The following ZNRF2 variants were observed in gnomAD, a reference collection of about 807,000 sequenced individuals.
ZNRF2 encodes zinc and ring finger 2, also known as E3 ubiquitin-protein ligase ZNRF2.
In ZNRF2, 16 loss-of-function variants were observed where a neutral mutation model predicts 20.4. The ratio of observed to expected loss-of-function variants is 0.79; its 90% CI spans 0.53 to 1.19. The LOEUF (loss-of-function observed/expected upper bound fraction) is 1.19. Among genes scored for constraint, ZNRF2 ranks in the 50% most tolerant of loss-of-function variants. The probability of loss-of-function intolerance (pLI) is 0.00; values close to 1 mark genes in which losing one functional copy is unlikely to be tolerated. For missense variants in ZNRF2, 363 were observed against 332.4 expected (o/e 1.09, Z -0.72); for synonymous variants, 178 against 144.9 (o/e 1.23, Z -1.64).
At chr7:30,362,478 T>G in intron 4 of ZNRF2, 22 bp downstream of exon 4, 1 of 1,460,406 alleles carries the variant, frequency 6.8e-7, no homozygotes, top group Admixed American at 1.9e-5. Flanking sequence ...TGTAATTACT[T>G]TTTAAAGCGT....
At chr7:30,295,050 A>AGAGAGAGTGTGTGT (rs1412764480) in intron 1 of ZNRF2, among the ~76,000 whole-genome samples, 7 of 38,280 alleles carry the variant, frequency 1.8e-4, no homozygotes, top group Non-Finnish European at 2.9e-4. Context: ...AGAGAGAGAG[A>AGAGAGAGTGTGTGT]GTGTGTGTGT....
rs531255679 is a variant in ZNRF2, at chr7:30,344,132, G to A, written c.566-11596G>A. 5.9e-5 allele frequency among the ~76,000 whole-genome samples: 9 copies of A among 151,790 alleles called. No individual in the cohort carries two copies. The East Asian group carries it at 1.7e-3, about 29-fold the overall frequency. On this transcript the variant is annotated intron_variant, in intron 2 of 4. Coordinates refer to ENST00000323037, the MANE Select transcript of ZNRF2 (RefSeq NM_147128.4). ...AGACGGGGTTTCAGCATGTTGGCGA[G>A]GCTGGTCTCGAACTCCTGACCTCAG...
In ZNRF2 at chr7:30,356,009, T is replaced by G. The variant is rs189727769; in HGVS notation, c.671+176T>G. 1.4e-3 allele frequency among the ~76,000 whole-genome samples: 220 copies of G among 152,354 alleles called. No individual in the cohort carries two copies. In the South Asian group the frequency reaches 0.023, roughly 16 times the overall value. On this transcript the variant is annotated intron_variant, in intron 3 of 4. Transcript: ENST00000323037. Reference sequence around the variant, plus strand: ...ACTAAGACTTGAACCCACATCTGTTTGTATCCAAAAGGCTACTATTTTTAA... The same window carrying G: ...ACTAAGACTTGAACCCACATCTGTTGGTATCCAAAAGGCTACTATTTTTAA...
At position 30,285,481 on chromosome 7, in the gene ZNRF2, C is replaced by G; in HGVS notation, c.124C>G (p.Arg42Gly). ...GACCGCGGGCGGCGGCGGGGGCGCT[C>G]GGGCCGCCGCCGCGGGGAGGTTCCC... ...NGTAGGGGGA[R>G]AAAAGRFPAQ... is the part of the protein sequence containing the mutation. Residue 42 changes from arginine to glycine, a missense_variant, in exon 1 of 5, where the codon CGG becomes GGG. By Grantham distance (125) the Arg-to-Gly change is moderately radical. Around this residue, in one of 2 missense-constraint regions of ZNRF2, gnomAD observed 302 missense variants for 231.5 expected, o/e 1.30. Transcript: ENST00000323037. The G allele has an allele frequency of 9.2e-7, 1 of 1,091,984 alleles. No individual in the cohort carries two copies. The highest frequency in any genetic ancestry group is 7.3e-5 in the East Asian group (1 of 13,682). The allele number at this position is 1,091,984 out of a possible 1,614,324, so 67.6% of individuals were successfully genotyped here.
chr7:30,346,170 A>ATTTTTTTTTTTTTTTTTTTTTTTT (rs70980598), intron 2 of ZNRF2, among the ~76,000 whole-genome samples: 1 of 23,676 alleles, frequency 4.2e-5, no homozygotes. Context: ...GTTAAGTCTG[A>ATTTTTTTTTTTTTTTTTTTTTTTT]TTTTTTTTTT....
intron 1 of ZNRF2, among the ~76,000 whole-genome samples, chr7:30,296,203 A>G (rs531156043): frequency 1.3e-5 from 2 of 152,366 alleles, no homozygotes; most frequent in African/African-American, 4.8e-5. Flanking sequence ...TTATTTGTAT[A>G]ATGTAAATAT....
chr7:30,285,421 G>A lies in ZNRF2; in HGVS notation c.64G>A (p.Asp22Asn). The A allele has an allele frequency of 8.1e-7, 1 of 1,238,278 alleles. No individual in the cohort carries two copies. Among genetic ancestry groups the A allele is most frequent in the South Asian group, 1.6e-5 (1 of 61,450 alleles). The allele number at this position is 1,238,278 out of a possible 1,614,324, so 76.7% of individuals were successfully genotyped here. A position where few individuals can be genotyped will look rare whatever the true frequency, so the allele number is the denominator to read the frequency against. The change falls in exon 1 of 5, where the codon GAT becomes AAT. Residue 22 changes from aspartate to asparagine, a missense_variant. Asp to Asn is a conservative substitution (Grantham distance 23). Coordinates refer to ENST00000323037, the MANE Select transcript of ZNRF2 (RefSeq NM_147128.4). Reference protein sequence around the residue: ...NGRTRAYSGSDLPSSSSGGAN... With the variant: ...NGRTRAYSGSNLPSSSSGGAN... The stretch of plus-strand genomic sequence containing the variant: ...CCGCACGCGCGCGTACTCGGGCTCG[G>A]ATCTACCTTCCAGTAGCAGCGGAGG...
intron 1 of ZNRF2, among the ~76,000 whole-genome samples, chr7:30,306,058 G>GTAA (rs1281692297): frequency 1.3e-5 from 2 of 152,188 alleles, no homozygotes; most frequent in South Asian, 2.1e-4. Flanking sequence ...CAATATTAAA[G>GTAA]TAATAATAAT....
intron 4 of ZNRF2, among the ~76,000 whole-genome samples, chr7:30,363,882 A>T (rs1418807702): frequency 6.6e-6 from 1 of 152,192 alleles, no homozygotes; most frequent in Non-Finnish European, 1.5e-5. Context: ...TGGAGAGATG[A>T]TATAAAGCAT....
At chr7:30,333,812 A>G (rs1799675706) in intron 2 of ZNRF2, among the ~76,000 whole-genome samples, 1 of 152,154 alleles carries the variant, frequency 6.6e-6, no homozygotes, top group Non-Finnish European at 1.5e-5. Flanking sequence ...TCTTTTGAGA[A>G]GTATCTGTTC....
chr7:30,342,565 C>T (rs942073108), intron 2 of ZNRF2, among the ~76,000 whole-genome samples: 12 of 152,128 alleles, frequency 7.9e-5, no homozygotes, highest in Non-Finnish European at 1.6e-4. Context: ...TGTCTTCTGG[C>T]TTGTAGGGTT....
In ZNRF2 at chr7:30,285,709, C is replaced by T. The variant is rs2128053076; in HGVS notation, c.352C>T (p.His118Tyr). Residue 118 changes from histidine to tyrosine, a missense_variant, in exon 1 of 5, where the codon CAC (histidine) becomes TAC (tyrosine). By Grantham distance (83) the His-to-Tyr change is moderately conservative. This residue lies in a region of ZNRF2 where 302 missense variants were observed against 231.5 expected (regional missense o/e 1.30). Coordinates refer to ENST00000323037, the MANE Select transcript of ZNRF2 (RefSeq NM_147128.4). ...CCCGTACGGCTCGCAGGACTCGGTGCACAGCAGCCCTGAGGACGGCGGCGG... is the reference window on the plus strand; with the variant it reads ...CCCGTACGGCTCGCAGGACTCGGTGTACAGCAGCCCTGAGGACGGCGGCGG... ...SGPYGSQDSV[H>Y]SSPEDGGGGR... The T allele has an allele frequency of 6.8e-7, 1 of 1,476,858 alleles. No homozygotes were observed. The highest frequency in any genetic ancestry group is 8.9e-7 in the Non-Finnish European group (1 of 1,121,008). The allele number at this position is 1,476,858 out of a possible 1,614,324, so 91.5% of individuals were successfully genotyped here.
intron 2 of ZNRF2, among the ~76,000 whole-genome samples, chr7:30,347,279 C>T (rs1361820552): frequency 3.3e-5 from 5 of 152,058 alleles, no homozygotes; most frequent in Non-Finnish European, 5.9e-5. Context: ...CTTTTGTGAG[C>T]CTGTTGGTCA....
chr7:30,316,455 A>T (rs944638960), intron 1 of ZNRF2, among the ~76,000 whole-genome samples: 1 of 152,140 alleles, frequency 6.6e-6, no homozygotes, highest in African/African-American at 2.4e-5. Flanking sequence ...TTATAGGTTC[A>T]TCAAGGATTG....
chr7:30,301,979 C>G (rs1489371448), intron 1 of ZNRF2, among the ~76,000 whole-genome samples: 1 of 152,100 alleles, frequency 6.6e-6, no homozygotes, highest in Non-Finnish European at 1.5e-5. Context: ...CGCTTCACTC[C>G]CTGGTGTTCG....
chr7:30,358,049 C>A lies in ZNRF2; in HGVS notation c.671+2216C>A, dbSNP rs867283724. ...TAGGGAATGCAAAGAAACTGTAAGA[C>A]AGAAAATGTATAGATGTAATTTACT... is the stretch of plus-strand genomic sequence containing the variant. On this transcript the variant is annotated intron_variant, in intron 3 of 4. Transcript: ENST00000323037. Among the ~76,000 whole-genome samples the A allele has an allele frequency of 9.9e-5, 15 of 152,132 alleles. No individual in the cohort carries two copies. In the South Asian group the frequency reaches 2.9e-3, roughly 29 times the overall value.
chr7:30,319,598 T>TG (rs1477505206), intron 1 of ZNRF2, among the ~76,000 whole-genome samples: 1 of 152,156 alleles, frequency 6.6e-6, no homozygotes, highest in Non-Finnish European at 1.5e-5. Context: ...TGTGCTGCAT[T>TG]GAAGTATTGT....
intron 1 of ZNRF2, among the ~76,000 whole-genome samples, chr7:30,305,711 T>C (rs529863606): frequency 1.2e-3 from 189 of 152,286 alleles, no homozygotes; most frequent in African/African-American, 4.4e-3. Context: ...GCAATAAATA[T>C]TGTTTCTCTA....
intron 2 of ZNRF2, among the ~76,000 whole-genome samples, chr7:30,342,790 CG>C (rs1799816816): frequency 6.6e-6 from 1 of 151,882 alleles, no homozygotes; most frequent in Admixed American, 6.6e-5. Flanking sequence ...TCAAAGGTTC[CG>C]ATAAGTAGTG....
Sources: gnomAD v4.1 joint callset for allele counts (sites outside exome capture counted in the v4.1 genomes callset) on GRCh38, gnomAD v4.1.1 for gene constraint, gnomAD v4.1.1 regional missense constraint, MANE v1.5 for transcripts, NCBI Gene and HGNC (gene_info 2026-07-23, HGNC 2026-07-21) for gene names.